Variants in ADCY3 observed in about 807,000 individuals in gnomAD.
ADCY3 encodes the protein adenylate cyclase 3, also known as adenylate cyclase type 3.
In ADCY3, 70 loss-of-function variants were observed where a neutral mutation model predicts 119.4. The observed-to-expected ratio is 0.59, with a 90% confidence interval of 0.48 to 0.72. ADCY3 has a LOEUF of 0.72. Among genes scored for constraint, ADCY3 ranks in the 30% least tolerant of loss-of-function variants. ADCY3 has a pLI of 0.00. For missense variants in ADCY3, 1,238 were observed against 1,541.6 expected (o/e 0.80, Z 3.30); for synonymous variants, 672 against 621.4 (o/e 1.08, Z -1.21).
chr2:24,841,727 C>G lies in ADCY3; in HGVS notation c.957-60G>C. 1 of 1,321,872 alleles carries G rather than the reference C, an allele frequency of 7.6e-7. No individual in the cohort carries two copies. Among genetic ancestry groups the G allele is most frequent in the African/African-American group, 1.4e-5 (1 of 69,474 alleles). 81.9% of individuals were successfully genotyped at this position (1,321,872 alleles called of 1,614,324 possible). On this transcript the variant is annotated intron_variant, in intron 4 of 21. Transcript: ENST00000679454. This position sits in a 1 kb window ranked among gnomAD's most constrained non-coding sequence, Gnocchi z 5.8. ...AGGCAGCCAGGTGTACCCGACCCCA[C>G]TGCCAGCTCCCTCTCCAACCCACAG...
intron 3 of ADCY3, among the ~76,000 whole-genome samples, chr2:24,864,175 A>G (rs1470710422): frequency 2.0e-5 from 3 of 152,196 alleles, no homozygotes; most frequent in African/African-American, 7.2e-5. Context: ...CTGTAATCCC[A>G]GCTACTCGGG....
intron 3 of ADCY3, among the ~76,000 whole-genome samples, chr2:24,855,362 A>G (rs1047187227): frequency 6.6e-6 from 1 of 152,224 alleles, no homozygotes; most frequent in African/African-American, 2.4e-5. Context: ...AGAGTCAAAC[A>G]GTTCAAAGAA....
Position 24,834,442 on chromosome 2 carries a change from CGCAGCCGAGGAAACTCGTGG to C in ADCY3, c.1967+23_1967+42del. On this transcript the variant is annotated intron_variant, in intron 11 of 21. Transcript: ENST00000679454. This position sits in a 1 kb window ranked among gnomAD's most constrained non-coding sequence, Gnocchi z 4.2. ...GCCCCCGCCCCCCGCCCGGCACCAC[CGCAGCCGAGGAAACTCGTGG>C]CCCTCCCCGGCCCCTCCCTCACCAG... The C allele has an allele frequency of 3.3e-6, 5 of 1,514,626 alleles. No homozygotes were observed. Among genetic ancestry groups the C allele is most frequent in the South Asian group, 2.3e-5 (2 of 86,044 alleles). The allele number at this position is 1,514,626 out of a possible 1,614,324, so 93.8% of individuals were successfully genotyped here.
Position 24,827,886 on chromosome 2 carries a change from T to G in ADCY3, c.2432+16A>C. 1 of 1,613,336 alleles carries G rather than the reference T, an allele frequency of 6.2e-7. No individual in the cohort carries two copies. ...GGAAGGAGACAATACAGATCCCCAG[T>G]CACGCTTCATCTTACTCGTGCTCCC... On this transcript the variant is annotated intron_variant, in intron 14 of 21. Transcript: ENST00000679454.
intron 3 of ADCY3, among the ~76,000 whole-genome samples, chr2:24,844,201 G>A (rs1042890049): frequency 3.9e-5 from 6 of 152,158 alleles, no homozygotes; most frequent in African/African-American, 1.2e-4. Context: ...GCTTCCGGGT[G>A]GCCAGGCCCG....
chr2:24,851,379 T>G (rs560678999), intron 3 of ADCY3, among the ~76,000 whole-genome samples: 43 of 152,174 alleles, frequency 2.8e-4, no homozygotes, highest in Non-Finnish European at 5.4e-4. Flanking sequence ...ACAGACACCA[T>G]CCACCCAGTC....
intron 16 of ADCY3, among the ~76,000 whole-genome samples, chr2:24,825,356 GGGGT>G (rs1558404343): frequency 1.5e-5 from 1 of 67,984 alleles, no homozygotes; most frequent in African/African-American, 4.3e-5. Context: ...GGGTGCGGGG[GGGGT>G]GTCTCACTTT....
At chr2:24,904,353 A>G (rs1679237995) in intron 2 of ADCY3, among the ~76,000 whole-genome samples, 1 of 151,972 alleles carries the variant, frequency 6.6e-6, no homozygotes, top group Admixed American at 6.6e-5. Flanking sequence ...AACATGGCGA[A>G]ACCCCATCTC....
intron 2 of ADCY3, among the ~76,000 whole-genome samples, chr2:24,902,034 CTGTGTGTGTGTGTGTGTGTGTG>C: frequency 8.2e-6 from 1 of 122,332 alleles, no homozygotes; most frequent in African/African-American, 3.2e-5. Flanking sequence ...CATTTTAACT[CTGTGTGTGTGTGTGTGTGTGTG>C]TGTGTGTGTG....
At chr2:24,882,869 C>A (rs1227036543) in intron 2 of ADCY3, among the ~76,000 whole-genome samples, 3 of 152,056 alleles carry the variant, frequency 2.0e-5, no homozygotes, top group Non-Finnish European at 4.4e-5. Context: ...CCAGCCTGGG[C>A]AACTTGGTGA....
chr2:24,823,193 TG>T lies in ADCY3; in HGVS notation c.2883+15del, dbSNP rs1359639500. Reference sequence around the variant, plus strand: ...CCGGCTTCATGGCCAGAGTGCAGGGTGGGATGGGCACTCACAGAGTCAAAAT... The same window carrying T: ...CCGGCTTCATGGCCAGAGTGCAGGGTGGATGGGCACTCACAGAGTCAAAAT... On this transcript the variant is annotated intron_variant, in intron 18 of 21. Transcript: ENST00000679454. 2 of 1,609,336 alleles carry T rather than the reference TG, an allele frequency of 1.2e-6. No individual in the cohort carries two copies. Among genetic ancestry groups the T allele is most frequent in the Non-Finnish European group, 1.7e-6 (2 of 1,178,120 alleles).
chr2:24,905,223 C>T (rs966298312), intron 2 of ADCY3, among the ~76,000 whole-genome samples: 1 of 151,198 alleles, frequency 6.6e-6, no homozygotes, highest in Non-Finnish European at 1.5e-5. Context: ...AAGCTCTGCC[C>T]CCTGGGTTCA....
rs1667522184 is a variant in ADCY3 at position 24,820,791 on chromosome 2, T to G, written c.3185A>C (p.Asp1062Ala). Residue 1062 changes from aspartate to alanine, a missense_variant, in exon 21 of 22, where the codon GAC (aspartate) becomes GCC (alanine). Asp to Ala is a moderately radical substitution (Grantham distance 126). Coordinates refer to ENST00000679454, the MANE Select transcript of ADCY3 (RefSeq NM_004036.5). The stretch of plus-strand genomic sequence containing the variant: ...TACATTGACTGTATTGCCCCAGATG[T>G]CGTAGTGTGGTTTCCGGGCTCCGAT... ...GVIGARKPHY[D>A]IWGNTVNVAS... 1.2e-6 allele frequency: 2 copies of G among 1,613,974 alleles called. No individual in the cohort carries two copies. Among genetic ancestry groups the G allele is most frequent in the Non-Finnish European group, 1.7e-6 (2 of 1,180,010 alleles).
At chr2:24,852,987 G>A (rs1446015865) in intron 3 of ADCY3, among the ~76,000 whole-genome samples, 2 of 146,698 alleles carry the variant, frequency 1.4e-5, no homozygotes, top group East Asian at 4.1e-4. Context: ...AAGATTTGAA[G>A]GAAAGGAACA....
intron 2 of ADCY3, among the ~76,000 whole-genome samples, chr2:24,886,616 G>A (rs1307894880): frequency 2.0e-5 from 3 of 152,200 alleles, no homozygotes; most frequent in Non-Finnish European, 2.9e-5. Context: ...AATGAAGGGA[G>A]AAGACCCCCG....
intron 3 of ADCY3, among the ~76,000 whole-genome samples, chr2:24,863,289 T>C (rs924124624): frequency 6.6e-6 from 1 of 152,072 alleles, no homozygotes; most frequent in African/African-American, 2.4e-5. Flanking sequence ...TGCTAGAATA[T>C]AAACAGGCAG....
chr2:24,860,450 G>A (rs1673492059), intron 3 of ADCY3, among the ~76,000 whole-genome samples: 2 of 152,264 alleles, frequency 1.3e-5, no homozygotes, highest in Non-Finnish European at 2.9e-5. Context: ...GTTCGGCAGA[G>A]GCAAAGAGGA....
At chr2:24,837,977 T>TAGA (rs1670508728) in intron 8 of ADCY3, among the ~76,000 whole-genome samples, 1 of 151,710 alleles carries the variant, frequency 6.6e-6, no homozygotes, top group African/African-American at 2.4e-5. Context: ...CCCTGCTCTA[T>TAGA]TACTTCTATC....
Position 24,918,217 on chromosome 2 carries a change from T to G in ADCY3, c.675+96A>C. The stretch of plus-strand genomic sequence containing the variant: ...CCCCGGAGGCCCCCAGGACACATTT[T>G]GACTCAAAGGCAAAGCAAACAGCAA... On this transcript the variant is annotated intron_variant, in intron 2 of 21. Transcript: ENST00000679454. The surrounding 1 kb of genome is among the most constrained non-coding windows in gnomAD (Gnocchi z 5.4). The G allele has an allele frequency of 7.2e-7, 1 of 1,396,942 alleles. No individual in the cohort carries two copies. The highest frequency in any genetic ancestry group is 9.7e-7 in the Non-Finnish European group (1 of 1,034,672). 86.5% of individuals were successfully genotyped at this position (1,396,942 alleles called of 1,614,324 possible). A position where few individuals can be genotyped will look rare whatever the true frequency, so the allele number is the denominator to read the frequency against.
Sources: allele counts gnomAD v4.1 joint callset (sites outside exome capture counted in the v4.1 genomes callset), GRCh38; gene constraint gnomAD v4.1.1; non-coding constraint Gnocchi (gnomAD v3.1); transcripts MANE v1.5; gene names NCBI Gene and HGNC (gene_info 2026-07-23, HGNC 2026-07-21).